The following NKAIN3 variants were observed in gnomAD, a reference collection of about 807,000 sequenced individuals.
NKAIN3 encodes sodium/potassium transporting ATPase interacting 3.
A neutral mutation model predicts 30.2 loss-of-function variants in NKAIN3; 25 were observed. The ratio of observed to expected loss-of-function variants is 0.83; its 90% CI spans 0.60 to 1.16. The LOEUF is 1.16. Ranked by LOEUF, NKAIN3 falls within the 50% of genes most tolerant of loss-of-function variation. The pLI, the probability that NKAIN3 is intolerant of heterozygous loss-of-function variation, is 0.00. For missense variants in NKAIN3, 225 were observed against 254.1 expected (o/e 0.89, Z 0.78); for synonymous variants, 91 against 89.6 (o/e 1.02, Z -0.09).
At chr8:62,838,259 T>C (rs1424222065) in intron 4 of NKAIN3, among the ~76,000 whole-genome samples, 1 of 151,620 alleles carries the variant, frequency 6.6e-6, no homozygotes, top group Non-Finnish European at 1.5e-5. Context: ...TTAAGAGAAA[T>C]CATGTTTGCA....
At chr8:62,948,294 G>A (rs567596178) in intron 5 of NKAIN3, among the ~76,000 whole-genome samples, 20 of 152,106 alleles carry the variant, frequency 1.3e-4, no homozygotes, top group Admixed American at 9.8e-4. Context: ...CCTCCTCGAG[G>A]GTTCAAGCAA....
Position 62,269,236 on chromosome 8 carries a change from GCA to G in NKAIN3, c.54+20111_54+20112del, listed in dbSNP as rs1342590179. On this transcript the variant is annotated intron_variant, in intron 1 of 6. Transcript: ENST00000623646. Reference sequence around the variant, plus strand: ...TTTATGGCCATGCTATATATCAATAGCACTGTGCCTTAGCTAGGCTTTCCTGG... The same window carrying G: ...TTTATGGCCATGCTATATATCAATAGCTGTGCCTTAGCTAGGCTTTCCTGG... Among the ~76,000 whole-genome samples the G allele has an allele frequency of 5.3e-5, 8 of 152,268 alleles. No homozygotes were observed. In the South Asian group the frequency reaches 8.3e-4, roughly 16 times the overall value.
chr8:62,459,241 TG>T (rs1805913754), intron 1 of NKAIN3, among the ~76,000 whole-genome samples: 1 of 152,290 alleles, frequency 6.6e-6, no homozygotes, highest in East Asian at 1.9e-4. Context: ...TTTGATTGAC[TG>T]TGGCCTCGGA....
chr8:62,879,542 C>T (rs1820910658), intron 4 of NKAIN3, among the ~76,000 whole-genome samples: 1 of 152,044 alleles, frequency 6.6e-6, no homozygotes. Context: ...CTGTGTTATA[C>T]TGTTGTGTTT....
chr8:62,863,314 G>A (rs747318579), intron 4 of NKAIN3: 1 of 1,549,772 alleles, frequency 6.5e-7, no homozygotes, highest in Non-Finnish European at 8.8e-7. Flanking sequence ...AGACCCTGAA[G>A]GAGGAGGAAT....
At position 62,447,169 on chromosome 8, in the gene NKAIN3, C is replaced by T. The variant is rs549562110; in HGVS notation, c.55-132370C>T. ...AATATTTACCTAGACAAAATCGGCA[C>T]AAAACAGAACTATCCCAGGCAAACC... is the stretch of plus-strand genomic sequence containing the variant. On this transcript the variant is annotated intron_variant, in intron 1 of 6. Coordinates refer to ENST00000623646, the MANE Select transcript of NKAIN3 (RefSeq NM_001304533.3). Among the ~76,000 whole-genome samples the T allele has an allele frequency of 2.6e-4, 40 of 152,092 alleles. No individual in the cohort carries two copies. The East Asian group carries it at 6.2e-3, about 23-fold the overall frequency.
intron 1 of NKAIN3, among the ~76,000 whole-genome samples, chr8:62,284,494 C>G (rs746646300): frequency 2.1e-4 from 32 of 151,974 alleles, no homozygotes; most frequent in Non-Finnish European, 3.8e-4. Context: ...GGCATGGTGG[C>G]ACATGCCTGT....
intron 4 of NKAIN3, among the ~76,000 whole-genome samples, chr8:62,826,280 G>A (rs1819021671): frequency 6.7e-6 from 1 of 148,892 alleles, no homozygotes; most frequent in Admixed American, 6.6e-5. Context: ...GTGTGTGTGA[G>A]TGTTTGTGTG....
chr8:62,270,810 G>A (rs1384676), intron 1 of NKAIN3, among the ~76,000 whole-genome samples: 6,901 of 152,208 alleles, frequency 0.045, 217 homozygotes, highest in Admixed American at 0.085. Flanking sequence ...GCGAGCATGT[G>A]GCATTTGCGT....
chr8:62,856,705 G>GT, intron 4 of NKAIN3: 1 of 735,732 alleles, frequency 1.4e-6, no homozygotes, highest in Non-Finnish European at 2.5e-6. Flanking sequence ...TCTTGGAAAC[G>GT]TTTTTGTTCC....
Position 62,249,031 on chromosome 8 carries a change from G to T in NKAIN3, c.-43G>T. The T allele has an allele frequency of 6.6e-7, 1 of 1,516,946 alleles. No individual in the cohort carries two copies. The highest frequency in any genetic ancestry group is 8.9e-7 in the Non-Finnish European group (1 of 1,129,722). 94.0% of individuals were successfully genotyped at this position (1,516,946 alleles called of 1,614,324 possible). ...TCAGGAGGCAGCAGCGGCGGAGGAC[G>T]AGGATCTCTGGCAGTCAGCGCCGCT... is the stretch of plus-strand genomic sequence containing the variant. On this transcript the variant is annotated 5_prime_UTR_variant, in exon 1 of 7. Transcript: ENST00000623646.
intron 6 of NKAIN3, among the ~76,000 whole-genome samples, chr8:62,959,772 C>T (rs376476662): frequency 1.2e-4 from 18 of 152,248 alleles, no homozygotes; most frequent in South Asian, 8.3e-4. Flanking sequence ...GGTGGAGCCC[C>T]GTTCCCTGAG....
At chr8:62,775,439 T>C (rs1479764409) in intron 4 of NKAIN3, among the ~76,000 whole-genome samples, 2 of 152,048 alleles carry the variant, frequency 1.3e-5, no homozygotes, top group Non-Finnish European at 2.9e-5. Context: ...TTTCTTTTCT[T>C]CTACTAGTTT....
chr8:62,990,250 A>T, intron 5 of NKAIN3: 1 of 1,532,248 alleles, frequency 6.5e-7, no homozygotes, highest in Non-Finnish European at 8.8e-7. Flanking sequence ...GTAAGATATT[A>T]TCACCAAATT....
chr8:62,819,579 T>C (rs1818790938), intron 4 of NKAIN3, among the ~76,000 whole-genome samples: 1 of 152,096 alleles, frequency 6.6e-6, no homozygotes, highest in Non-Finnish European at 1.5e-5. Flanking sequence ...TTCTCAGTCA[T>C]AGTCTCTTGT....
At chr8:62,850,007 C>G (rs1367295527) in intron 4 of NKAIN3, among the ~76,000 whole-genome samples, 1 of 151,946 alleles carries the variant, frequency 6.6e-6, no homozygotes, top group African/African-American at 2.4e-5. Flanking sequence ...TTTTCTAGTT[C>G]TAGATCCCTG....
intron 1 of NKAIN3, among the ~76,000 whole-genome samples, chr8:62,325,796 G>C (rs983691696): frequency 2.6e-5 from 4 of 151,802 alleles, no homozygotes; most frequent in East Asian, 1.9e-4. Context: ...GCATTTTTTC[G>C]TGTTTGTTGG....
Position 62,965,420 on chromosome 8 carries a change from C to A in NKAIN3, c.*13C>A, listed in dbSNP as rs1474275484. The A allele has an allele frequency of 3.0e-6, 3 of 985,536 alleles. No individual in the cohort carries two copies. The highest frequency in any genetic ancestry group is 2.3e-4 in the East Asian group (2 of 8,816). The allele number at this position is 985,536 out of a possible 1,614,324, so 61.0% of individuals were successfully genotyped here. A position where few individuals can be genotyped will look rare whatever the true frequency, so the allele number is the denominator to read the frequency against. On this transcript the variant is annotated 3_prime_UTR_variant, in exon 7 of 7. Coordinates refer to ENST00000623646, the MANE Select transcript of NKAIN3 (RefSeq NM_001304533.3). ...GAACTTGACTTAGGGAGCAAAGGAC[C>A]ATTGACTGCGCGCCTCGGTGGATCC...
chr8:62,555,713 T>C (rs1305811736), intron 1 of NKAIN3, among the ~76,000 whole-genome samples: 1 of 151,998 alleles, frequency 6.6e-6, no homozygotes, highest in East Asian at 1.9e-4. Flanking sequence ...GCAACAATCA[T>C]CAAATTCCAG....
Sources: allele counts gnomAD v4.1 joint callset (sites outside exome capture counted in the v4.1 genomes callset), GRCh38; gene constraint gnomAD v4.1.1; transcripts MANE v1.5; gene names NCBI Gene and HGNC (gene_info 2026-07-23, HGNC 2026-07-21).